The following CKMT2 variants were observed in gnomAD, a reference collection of about 807,000 sequenced individuals.
CKMT2 encodes creatine kinase, mitochondrial 2, also known as creatine kinase S-type, mitochondrial.
A neutral mutation model predicts 48.9 loss-of-function variants in CKMT2; 43 were observed. The ratio of observed to expected loss-of-function variants is 0.88; its 90% CI spans 0.69 to 1.13. The LOEUF (loss-of-function observed/expected upper bound fraction) is 1.13. CKMT2 is among the 50% of genes most tolerant of loss of function. The pLI is 0.00. For missense variants in CKMT2, 472 were observed against 555.4 expected (o/e 0.85, Z 1.51); for synonymous variants, 206 against 213.0 (o/e 0.97, Z 0.29).
At chr5:81,258,019 C>G (rs963934210) in intron 7 of CKMT2, 163 bp downstream of exon 7, 4 of 567,018 alleles carry the variant, frequency 7.1e-6, no homozygotes, top group Non-Finnish European at 1.2e-5. Context: ...CCCGCCTCAG[C>G]CTCTAGAGTA....
At chr5:81,237,894 G>C (rs1425063147) in intron 1 of CKMT2, 2 of 152,196 alleles carry the variant, frequency 1.3e-5, no homozygotes, top group African/African-American at 4.8e-5. Flanking sequence ...TTTAATAGCT[G>C]CAGAATATTT....
chr5:81,258,857 ACATT>A (rs547835933), intron 7 of CKMT2, among the ~76,000 whole-genome samples: 20 of 152,320 alleles, frequency 1.3e-4, no homozygotes, highest in African/African-American at 4.3e-4. Flanking sequence ...TTGTCTTAAA[ACATT>A]CATTATCTTT....
At chr5:81,264,032 T>C (rs576238827) in intron 9 of CKMT2, among the ~76,000 whole-genome samples, 1 of 152,356 alleles carries the variant, frequency 6.6e-6, no homozygotes, top group South Asian at 2.1e-4. Context: ...TGGTGAAGGC[T>C]ACAAATGATC....
At chr5:81,260,117 CTACTGGG>C (rs1049824669) in intron 8 of CKMT2, among the ~76,000 whole-genome samples, 24 of 152,192 alleles carry the variant, frequency 1.6e-4, no homozygotes, top group South Asian at 6.2e-4. Flanking sequence ...TCCTGAATGA[CTACTGGG>C]TAAATAACGA....
At chr5:81,253,154 C>T (rs1157111897) in intron 3 of CKMT2, among the ~76,000 whole-genome samples, 1 of 152,170 alleles carries the variant, frequency 6.6e-6, no homozygotes, top group Admixed American at 6.5e-5. Flanking sequence ...CATGACAGAA[C>T]TCTGAGCTTG....
intron 1 of CKMT2, chr5:81,242,458 G>A (rs1282600481): frequency 7.8e-5 from 40 of 510,608 alleles, no homozygotes; most frequent in Non-Finnish European, 9.5e-5. Flanking sequence ...ATTTTACAGA[G>A]GTCGCCTACT....
In CKMT2 at chr5:81,251,105, C is replaced by A; in HGVS notation, c.-20-8C>A. 6.2e-7 allele frequency: 1 copy of A among 1,611,128 alleles called. No individual in the cohort carries two copies. Among genetic ancestry groups the A allele is most frequent in the Admixed American group, 1.7e-5 (1 of 59,926 alleles). On this transcript the variant is annotated splice_polypyrimidine_tract_variant and splice_region_variant and intron_variant, in intron 1 of 9. Coordinates refer to ENST00000254035, the MANE Select transcript of CKMT2 (RefSeq NM_001099735.2). ...GAAGCTATCTAATCCAGCTTCTTTGCTTTCCAGACACTCATCCAAGAGGAA... is the reference window on the plus strand; with the variant it reads ...GAAGCTATCTAATCCAGCTTCTTTGATTTCCAGACACTCATCCAAGAGGAA...
chr5:81,265,987 TA>T, intron 9 of CKMT2, 151 bp from the exon 10 acceptor site: 1 of 629,368 alleles, frequency 1.6e-6, no homozygotes, highest in Non-Finnish European at 2.7e-6. Context: ...GAGAAACCCT[TA>T]TATCTCTGCC....
chr5:81,256,689 A>C (rs1251615039), intron 5 of CKMT2, among the ~76,000 whole-genome samples: 1 of 152,220 alleles, frequency 6.6e-6, no homozygotes, highest in South Asian at 2.1e-4. Context: ...TCACCTGAAG[A>C]GTTTTTAAAA....
intron 1 of CKMT2, among the ~76,000 whole-genome samples, chr5:81,234,314 G>C (rs1756190626): frequency 6.6e-6 from 1 of 152,166 alleles, no homozygotes; most frequent in East Asian, 1.9e-4. Flanking sequence ...GTCAAGTGAG[G>C]GGCAGTTAGT....
chr5:81,247,211 C>T (rs1756642267), intron 1 of CKMT2, among the ~76,000 whole-genome samples: 3 of 152,186 alleles, frequency 2.0e-5, no homozygotes, highest in African/African-American at 7.2e-5. Context: ...ATGGAGGGAA[C>T]TGAAAACGTT....
chr5:81,256,555 T>C (rs146244822), intron 5 of CKMT2, among the ~76,000 whole-genome samples: 1 of 152,128 alleles, frequency 6.6e-6, no homozygotes, highest in Non-Finnish European at 1.5e-5. Context: ...ATAGTATCCC[T>C]CATTCATTGC....
rs1487492857 is a variant in CKMT2, at chr5:81,255,144, A to G, written c.599A>G (p.Lys200Arg). 3 of 1,613,988 alleles carry G rather than the reference A, an allele frequency of 1.9e-6. No individual in the cohort carries two copies. The highest frequency in any genetic ancestry group is 1.7e-6 in the Non-Finnish European group (2 of 1,180,036). ...GCCATCACTGCCCTGGAGGGCCTCAAGGGGGACCTGGCTGGCCGCTACTAC... is the reference window on the plus strand; with the variant it reads ...GCCATCACTGCCCTGGAGGGCCTCAGGGGGGACCTGGCTGGCCGCTACTAC... ...NVAITALEGL[K>R]GDLAGRYYKL... is the part of the protein sequence containing the mutation. Residue 200 changes from lysine (K) to arginine (R), a missense_variant, in exon 5 of 10, where the codon AAG (lysine) becomes AGG (arginine). Lys to Arg is a conservative substitution (Grantham distance 26). Coordinates refer to ENST00000254035, the MANE Select transcript of CKMT2 (RefSeq NM_001099735.2).
At chr5:81,252,964 G>A (rs1756874686) in intron 3 of CKMT2, 71 bp downstream of exon 3, 1 of 1,550,854 alleles carries the variant, frequency 6.4e-7, no homozygotes, top group African/African-American at 1.4e-5. Flanking sequence ...ACAGTCCTGG[G>A]GTCCTTTTCT....
intron 8 of CKMT2, 193 bp downstream of exon 8, chr5:81,259,447 G>GA (rs1757132919): frequency 4.6e-6 from 2 of 437,074 alleles, no homozygotes; most frequent in Non-Finnish European, 7.9e-6. Context: ...GGGGCTGTAA[G>GA]AAAAAGATGG....
At chr5:81,253,415 T>C (rs564501686) in intron 3 of CKMT2, among the ~76,000 whole-genome samples, 100 of 152,324 alleles carry the variant, frequency 6.6e-4, no homozygotes, top group African/African-American at 2.4e-3. Flanking sequence ...ATAAATCCCA[T>C]GACCTCGGCA....
At chr5:81,259,791 C>A (rs1016878722) in intron 8 of CKMT2, among the ~76,000 whole-genome samples, 30 of 152,182 alleles carry the variant, frequency 2.0e-4, no homozygotes, top group African/African-American at 6.8e-4. Context: ...GACTTTAACA[C>A]CCCATTGTCA....
chr5:81,233,493 C>A, intron 1 of CKMT2, 116 bp downstream of exon 1: 1 of 737,378 alleles, frequency 1.4e-6, no homozygotes, highest in Non-Finnish European at 1.7e-6. Flanking sequence ...CCCGTTAGGA[C>A]GCTGACTGCG....
intron 1 of CKMT2, among the ~76,000 whole-genome samples, chr5:81,237,044 G>A (rs1298538037): frequency 6.6e-6 from 1 of 152,212 alleles, no homozygotes; most frequent in South Asian, 2.1e-4. Context: ...AGCTACTTGG[G>A]AGGCTGAGGC....
Sources: gnomAD v4.1 joint callset for allele counts (sites outside exome capture counted in the v4.1 genomes callset) on GRCh38, gnomAD v4.1.1 for gene constraint, MANE v1.5 for transcripts, NCBI Gene and HGNC (gene_info 2026-07-23, HGNC 2026-07-21) for gene names.